PLEKHD1: variants seen among roughly 807,000 people sequenced by gnomAD.
PLEKHD1 encodes the protein pleckstrin homology domain-containing family D member 1.
PLEKHD1 carries 51 observed loss-of-function variants against 69.2 expected under a neutral mutation model. The observed-to-expected ratio is 0.74, with a 90% CI of 0.59 to 0.93. The LOEUF (loss-of-function observed/expected upper bound fraction) is 0.93, where lower values mean the gene tolerates loss of function less well. Ranked by LOEUF, PLEKHD1 falls within the 40% of genes least tolerant of loss-of-function variation. PLEKHD1 has a pLI of 0.00. For missense variants in PLEKHD1, 584 were observed against 641.0 expected, an observed-to-expected ratio of 0.91 and a Z score of 0.96; for synonymous variants, 236 against 244.7, an observed-to-expected ratio of 0.96 and a Z score of 0.33.
Position 69,484,795 on chromosome 14 carries a change from G to C in PLEKHD1, c.-171G>C. 1.4e-6 allele frequency: 1 copy of C among 714,296 alleles called. No homozygotes were observed. The highest frequency in any genetic ancestry group is 2.2e-6 in the Non-Finnish European group (1 of 459,440). 44.2% of individuals were successfully genotyped at this position (714,296 alleles called of 1,614,324 possible). A position where few individuals can be genotyped will look rare whatever the true frequency, so the allele number is the denominator to read the frequency against. ...CGGCTACGCGCCCTGCGCCCCCTTG[G>C]TGCCGCGTCCAGTGCCCAGCGCGCT... On this transcript the variant is annotated 5_prime_UTR_variant, in exon 1 of 13. Coordinates refer to ENST00000322564, the MANE Select transcript of PLEKHD1 (RefSeq NM_001161498.2).
intron 1 of PLEKHD1, 120 bp from the exon 2 acceptor site, chr14:69,499,995 T>G (rs1013728987): frequency 1.5e-6 from 1 of 675,382 alleles, no homozygotes; most frequent in Non-Finnish European, 2.6e-6. Context: ...TAAGGATGGC[T>G]GAGCTGGTGT....
chr14:69,509,949 A>AG (rs1261969747), intron 6 of PLEKHD1, among the ~76,000 whole-genome samples: 3 of 152,008 alleles, frequency 2.0e-5, no homozygotes, highest in Non-Finnish European at 2.9e-5. Context: ...AAAAAAAAAA[A>AG]GACTGGCTTT....
At chr14:69,481,191 C>T (rs567031842), upstream of PLEKHD1, among the ~76,000 whole-genome samples, 8 of 152,190 alleles carry the variant, frequency 5.3e-5, no homozygotes, top group Admixed American at 2.0e-4. Flanking sequence ...GATGTGGTGG[C>T]GTGCATCTGT....
chr14:69,473,277 G>A, the PLEKHD1 span, among the ~76,000 whole-genome samples: 1 of 152,148 alleles, frequency 6.6e-6, no homozygotes, highest in Admixed American at 6.5e-5. Context: ...GCTCTACAGT[G>A]TCCAAACAAG....
chr14:69,500,287 G>A, intron 2 of PLEKHD1, 79 bp downstream of exon 2: 4 of 1,193,988 alleles, frequency 3.4e-6, no homozygotes, highest in Non-Finnish European at 4.8e-6. Context: ...GAGGGGAGGG[G>A]ACTGCGCTCT....
the PLEKHD1 span, among the ~76,000 whole-genome samples, chr14:69,473,875 G>C: frequency 6.6e-6 from 1 of 152,168 alleles, no homozygotes; most frequent in Non-Finnish European, 1.5e-5. Flanking sequence ...TTCAACTACT[G>C]TCTCACCAAA....
chr14:69,517,470 G>T (rs1038495847), intron 6 of PLEKHD1, among the ~76,000 whole-genome samples: 2 of 152,122 alleles, frequency 1.3e-5, no homozygotes, highest in African/African-American at 4.8e-5. Context: ...AGCAGGGAGG[G>T]GTGGGGGAGT....
At chr14:69,506,681 A>G (rs1032430068) in intron 6 of PLEKHD1, among the ~76,000 whole-genome samples, 3 of 152,194 alleles carry the variant, frequency 2.0e-5, no homozygotes, top group African/African-American at 7.2e-5. Context: ...ATCCAGCACC[A>G]CAGTGATACA....
chr14:69,504,798 C>T, intron 6 of PLEKHD1, among the ~76,000 whole-genome samples: 1 of 152,176 alleles, frequency 6.6e-6, no homozygotes, highest in Admixed American at 6.5e-5. Flanking sequence ...CTTCCATCAC[C>T]AGAGTTGGTC....
chr14:69,503,673 A>G (rs913549600), intron 6 of PLEKHD1: 2 of 141,578 alleles, frequency 1.4e-5, no homozygotes, highest in African/African-American at 2.7e-5. Context: ...CCTGGGCGAC[A>G]GAGCGAGACT....
chr14:69,469,902 A>C, the PLEKHD1 span, among the ~76,000 whole-genome samples: 7 of 151,658 alleles, frequency 4.6e-5, no homozygotes, highest in Non-Finnish European at 8.8e-5. Flanking sequence ...TTGTATTTTT[A>C]GTAGAGACGG....
intron 6 of PLEKHD1, among the ~76,000 whole-genome samples, chr14:69,507,273 A>G (rs1883173758): frequency 1.3e-5 from 2 of 152,214 alleles, no homozygotes; most frequent in Admixed American, 6.5e-5. Context: ...TAGCTTTTTT[A>G]GATTGGCTTC....
At chr14:69,479,387 A>G in the PLEKHD1 span, among the ~76,000 whole-genome samples, 1 of 152,200 alleles carries the variant, frequency 6.6e-6, no homozygotes, top group Admixed American at 6.5e-5. Flanking sequence ...TTTACACAAG[A>G]GACTTACAGG....
chr14:69,527,546 A>G (rs911635116), intron 11 of PLEKHD1, among the ~76,000 whole-genome samples: 7 of 152,230 alleles, frequency 4.6e-5, no homozygotes, highest in African/African-American at 1.7e-4. Context: ...GAAAGCCAGG[A>G]GCTTCTTCCA....
chr14:69,503,592 G>C (rs939051759), intron 6 of PLEKHD1: 5 of 151,348 alleles, frequency 3.3e-5, no homozygotes, highest in African/African-American at 9.7e-5. Context: ...TCGGGAGGCT[G>C]AGGCAGGAGA....
chr14:69,528,365 C>T lies in PLEKHD1; in HGVS notation c.1467C>T (p.His489=). Residue 489 remains histidine, a synonymous_variant, in exon 13 of 13, where the codon CAC becomes CAT. Transcript: ENST00000322564. ...RDQRFRESIY[H]IMATQPGAPS... ...AGCGCTTCCGGGAATCCATCTACCA[C>T]ATCATGGCCACCCAGCCTGGAGCCC... The T allele has an allele frequency of 6.4e-7, 1 of 1,551,668 alleles. No individual in the cohort carries two copies. Among genetic ancestry groups the T allele is most frequent in the Non-Finnish European group, 8.7e-7 (1 of 1,147,002 alleles).
intron 1 of PLEKHD1, among the ~76,000 whole-genome samples, chr14:69,489,558 CAAAA>C (rs1166429791): frequency 3.5e-4 from 21 of 59,894 alleles, no homozygotes; most frequent in South Asian, 1.2e-3. Context: ...TACTCCATCT[CAAAA>C]AAAAAAAAAA....
intron 6 of PLEKHD1, among the ~76,000 whole-genome samples, chr14:69,515,396 G>C (rs145365345): frequency 4.6e-5 from 7 of 152,032 alleles, no homozygotes; most frequent in Non-Finnish European, 1.0e-4. Context: ...GTCAATTGCA[G>C]TTCAGGTTTT....
chr14:69,476,403 A>AG, the PLEKHD1 span, among the ~76,000 whole-genome samples: 8 of 152,158 alleles, frequency 5.3e-5, 1 homozygote, highest in South Asian at 4.2e-4. Context: ...TTTCAAAAAA[A>AG]AAAAAAAGTT....
Sources: allele counts gnomAD v4.1 joint callset (sites outside exome capture counted in the v4.1 genomes callset), GRCh38; gene constraint gnomAD v4.1.1; transcripts MANE v1.5; gene names NCBI Gene and HGNC (gene_info 2026-07-23, HGNC 2026-07-21).